Variants in COL8A2 observed in about 807,000 individuals in gnomAD.
COL8A2 encodes collagen alpha-2(VIII) chain.
Under a neutral mutation model 24.0 loss-of-function variants are expected in COL8A2, and 16 were observed. That is an observed-to-expected ratio of 0.67 (90% CI 0.45 to 1.01). The LOEUF is 1.01. COL8A2 is among the 50% of genes least tolerant of loss of function. The pLI, the probability that COL8A2 is intolerant of heterozygous loss-of-function variation, is 0.00. For synonymous variants in COL8A2, 466 were observed against 424.5 expected (o/e 1.10, Z -1.20); for missense variants, 818 against 942.4 (o/e 0.87, Z 1.73).
At chr1:36,109,704 G>A (rs570442964) in intron 2 of COL8A2, among the ~76,000 whole-genome samples, 35 of 151,854 alleles carry the variant, frequency 2.3e-4, no homozygotes, top group Non-Finnish European at 4.4e-4. Context: ...TGAATAGCTG[G>A]GACTACAGGC....
At position 36,097,983 on chromosome 1, in the gene COL8A2, C is replaced by T; in HGVS notation, c.1698G>A (p.Leu566=). 2 of 1,605,456 alleles carry T rather than the reference C, an allele frequency of 1.2e-6. No individual in the cohort carries two copies. Among genetic ancestry groups the T allele is most frequent in the Non-Finnish European group, 1.7e-6 (2 of 1,178,420 alleles). Residue 566 remains leucine, a synonymous_variant, in exon 4 of 4, where the codon CTG becomes CTA. Transcript: ENST00000397799. ...LGKGGKPQFG[L]GELSAHATPA... ...GTGTGGCATGGGCAGACAGCTCGCC[C>T]AGCCCAAACTGTGGCTTGCCCCCCT...
At chr1:36,103,368 G>T (rs941321224) in intron 2 of COL8A2, among the ~76,000 whole-genome samples, 2 of 152,108 alleles carry the variant, frequency 1.3e-5, no homozygotes, top group Non-Finnish European at 2.9e-5. Context: ...CGCCTCCCAG[G>T]TTCACACCGT....
chr1:36,117,376 A>C (rs1427795553), intron 1 of COL8A2, among the ~76,000 whole-genome samples: 1 of 152,212 alleles, frequency 6.6e-6, no homozygotes, highest in African/African-American at 2.4e-5. Context: ...AAATGACTTA[A>C]GCTGGCTCTG....
rs1013460328 is a variant in COL8A2 at position 36,098,852 on chromosome 1, C to T, written c.829G>A (p.Val277Ile). The change falls in exon 4 of 4, where the codon GTA (valine) becomes ATA (isoleucine). Residue 277 changes from valine to isoleucine, a missense_variant. Coordinates refer to ENST00000397799, the MANE Select transcript of COL8A2 (RefSeq NM_005202.4). ...GCCCCTGGGACTCCCACACCGTCTA[C>T]TCCAGGAGGTCCTTTTGGGCCCACA... Reference protein sequence around the residue: ...GAVGPKGPPGVDGVGVPGAAG... With the variant: ...GAVGPKGPPGIDGVGVPGAAG... 5.0e-6 allele frequency: 8 copies of T among 1,612,310 alleles called. No individual in the cohort carries two copies. The highest frequency in any genetic ancestry group is 6.8e-6 in the Non-Finnish European group (8 of 1,179,760).
chr1:36,116,836 A>G (rs1361290123), intron 1 of COL8A2, among the ~76,000 whole-genome samples: 4 of 152,108 alleles, frequency 2.6e-5, no homozygotes, highest in Admixed American at 2.6e-4. Context: ...AGCAATGGGG[A>G]GCCATGGAGG....
intron 1 of COL8A2, among the ~76,000 whole-genome samples, chr1:36,119,675 G>T (rs914705523): frequency 6.6e-6 from 1 of 152,244 alleles, no homozygotes; most frequent in African/African-American, 2.4e-5. Context: ...CCCACGCAGA[G>T]CTTGGTGGCA....
Position 36,115,302 on chromosome 1 carries a change from C to T in COL8A2, c.-17+406G>A, listed in dbSNP as rs1205094900. ...TTGCAGCCTTTTCCGGAGCGCCACC[C>T]GCCACCCGCTGCCTCCCCACGCCTG... On this transcript the variant is annotated intron_variant, in intron 2 of 3. Coordinates refer to ENST00000397799, the MANE Select transcript of COL8A2 (RefSeq NM_005202.4). This position sits in a 1 kb window ranked among gnomAD's most constrained non-coding sequence, Gnocchi z 5.7. Among the ~76,000 whole-genome samples the T allele has an allele frequency of 1.3e-5, 2 of 152,150 alleles. No homozygotes were observed. The highest frequency in any genetic ancestry group is 2.9e-5 in the Non-Finnish European group (2 of 68,016).
chr1:36,109,581 C>CT (rs10715688), intron 2 of COL8A2, among the ~76,000 whole-genome samples: 6,317 of 141,082 alleles, frequency 0.045, 428 homozygotes, highest in African/African-American at 0.15. Context: ...AGTAACCACT[C>CT]TTTTTTTTTT....
intron 2 of COL8A2, among the ~76,000 whole-genome samples, chr1:36,103,647 A>G (rs1011376087): frequency 6.7e-6 from 1 of 149,480 alleles, no homozygotes; most frequent in Non-Finnish European, 1.5e-5. Context: ...TGAATGGCAC[A>G]ATCTCAGCTC....
chr1:36,100,954 C>T (rs1392362740), intron 2 of COL8A2, among the ~76,000 whole-genome samples: 6 of 137,288 alleles, frequency 4.4e-5, no homozygotes, highest in Admixed American at 3.4e-4. Flanking sequence ...TGTGCAATGG[C>T]GCCATCCTGG....
chr1:36,107,753 G>C (rs1383225769), intron 2 of COL8A2, among the ~76,000 whole-genome samples: 1 of 152,082 alleles, frequency 6.6e-6, no homozygotes, highest in Non-Finnish European at 1.5e-5. Context: ...AGGGGCCTGG[G>C]CACCTCTGAG....
At position 36,098,802 on chromosome 1, in the gene COL8A2, GC is replaced by G; in HGVS notation, c.878del (p.Gly293AlafsTer17). On this transcript the variant is annotated frameshift_variant, in exon 4 of 4. Coordinates refer to ENST00000397799, the MANE Select transcript of COL8A2 (RefSeq NM_005202.4). LOFTEE classifies it high-confidence loss of function. ...CTGGCTCCCCTTTGGCCCCTGATGG[GC>G]CCTGTGGTCCTGGCAACCCTGCTGC... ...PGAAGLPGPQ[G>X]PSGAKGEPGT... The G allele has an allele frequency of 1.2e-6, 2 of 1,611,834 alleles. No individual in the cohort carries two copies. Among genetic ancestry groups the G allele is most frequent in the Non-Finnish European group, 1.7e-6 (2 of 1,179,594 alleles).
chr1:36,124,739 G>A (rs548051517), intron 1 of COL8A2, among the ~76,000 whole-genome samples: 3 of 152,110 alleles, frequency 2.0e-5, no homozygotes, highest in Non-Finnish European at 2.9e-5. Context: ...ACGGGAGATC[G>A]GGAGGTGGTG....
At chr1:36,105,965 AAAG>A (rs1002421989) in intron 2 of COL8A2, among the ~76,000 whole-genome samples, 2 of 142,254 alleles carry the variant, frequency 1.4e-5, no homozygotes, top group African/African-American at 2.7e-5. Flanking sequence ...AAAAAAAAAA[AAAG>A]AGAGAGAGAG....
At position 36,095,976 on chromosome 1, in the gene COL8A2, AG is replaced by A. The variant is rs2124065093; in HGVS notation, c.*1592del. The stretch of plus-strand genomic sequence containing the variant: ...TTGGAGAAGTTGTGGGCAGGGGAGG[AG>A]GGTTGGCAAGGAACCTGAAGGAACC... On this transcript the variant is annotated 3_prime_UTR_variant, in exon 4 of 4. Transcript: ENST00000397799. The A allele has an allele frequency of 6.6e-6, 1 of 152,290 alleles. No individual in the cohort carries two copies. The highest frequency in any genetic ancestry group is 2.4e-5 in the African/African-American group (1 of 41,532). 9.4% of individuals were successfully genotyped at this position (152,290 alleles called of 1,614,324 possible).
At chr1:36,102,456 A>G (rs1316941083) in intron 2 of COL8A2, among the ~76,000 whole-genome samples, 1 of 151,788 alleles carries the variant, frequency 6.6e-6, no homozygotes, top group Non-Finnish European at 1.5e-5. Flanking sequence ...ACGTGCCACC[A>G]TGCCTGGCTA....
At position 36,097,600 on chromosome 1, in the gene COL8A2, G is replaced by A. The variant is rs756944002; in HGVS notation, c.2081C>T (p.Ser694Phe). The change falls in exon 4 of 4, where the codon TCC becomes TTC. Residue 694 changes from serine to phenylalanine, a missense_variant. This residue lies in a region of COL8A2 where 235 missense variants were observed against 297.3 expected (regional missense o/e 0.79). Coordinates refer to ENST00000397799, the MANE Select transcript of COL8A2 (RefSeq NM_005202.4). ...GLYSTEYIHS[S>F]FSGFLLCPT Reference sequence around the variant, plus strand: ...GGGGCAGAGCAAGAATCCTGAAAAGGAGGAGTGGATGTACTCCGTGGAGTA... The same window carrying A: ...GGGGCAGAGCAAGAATCCTGAAAAGAAGGAGTGGATGTACTCCGTGGAGTA... The A allele has an allele frequency of 1.9e-6, 3 of 1,610,864 alleles. No individual in the cohort carries two copies. The South Asian group carries it at 3.3e-5, about 18-fold the overall frequency.
Position 36,097,695 on chromosome 1 carries a change from C to G in COL8A2, c.1986G>C (p.Gly662=), listed in dbSNP as rs771423414. 1 of 1,613,630 alleles carries G rather than the reference C, an allele frequency of 6.2e-7. No individual in the cohort carries two copies. Among genetic ancestry groups the G allele is most frequent in the African/African-American group, 1.3e-5 (1 of 75,052 alleles). Reference sequence around the variant, plus strand: ...CGTTGGGCCGCAGCTGGAGCACGGCCCCACCAGATGCCTGGTCCAGGTAGC... The same window carrying G: ...CGTTGGGCCGCAGCTGGAGCACGGCGCCACCAGATGCCTGGTCCAGGTAGC... ...KKGYLDQASG[G]AVLQLRPNDQ... The change falls in exon 4 of 4, where the codon GGG becomes GGC. Residue 662 remains glycine (G), a synonymous_variant. Coordinates refer to ENST00000397799, the MANE Select transcript of COL8A2 (RefSeq NM_005202.4).
intron 2 of COL8A2, among the ~76,000 whole-genome samples, chr1:36,105,466 C>T (rs76608367): frequency 0.017 from 2,573 of 152,268 alleles, 76 homozygotes; most frequent in African/African-American, 0.058. Context: ...GAGGCCTCGC[C>T]CAGAGCCTCC....
Sources: gnomAD v4.1 joint callset for allele counts (sites outside exome capture counted in the v4.1 genomes callset) on GRCh38, gnomAD v4.1.1 for gene constraint, gnomAD v4.1.1 regional missense constraint, Gnocchi (gnomAD v3.1) non-coding constraint, MANE v1.5 for transcripts, NCBI Gene and HGNC (gene_info 2026-07-23, HGNC 2026-07-21) for gene names.